EREG: variants seen among roughly 807,000 people sequenced by gnomAD.
The protein encoded by EREG is proepiregulin.
Under a neutral mutation model 22.4 loss-of-function variants are expected in EREG, and 23 were observed. That is an observed-to-expected ratio of 1.03 (90% CI 0.74 to 1.46). The LOEUF (loss-of-function observed/expected upper bound fraction) is 1.46. EREG is among the 40% of genes most tolerant of loss of function. EREG has a pLI of 0.00. For missense variants in EREG, 226 were observed against 205.9 expected (o/e 1.10, Z -0.60); for synonymous variants, 100 against 75.4 (o/e 1.33, Z -1.69).
chr4:74,375,698 T>C (rs533049601), intron 1 of EREG, among the ~76,000 whole-genome samples: 209 of 152,194 alleles, frequency 1.4e-3, no homozygotes, highest in South Asian at 5.2e-3. Flanking sequence ...TTTTTATTCA[T>C]TGGATCGCAT....
At chr4:74,383,554 T>C (rs1279437726) in intron 4 of EREG, among the ~76,000 whole-genome samples, 1 of 152,156 alleles carries the variant, frequency 6.6e-6, no homozygotes, top group African/African-American at 2.4e-5. Flanking sequence ...AGTTTGGCAT[T>C]TTTTTAAGGG....
chr4:74,375,049 C>T (rs573381250), intron 1 of EREG, among the ~76,000 whole-genome samples: 1 of 130,826 alleles, frequency 7.6e-6, no homozygotes, highest in Non-Finnish European at 1.5e-5. Context: ...CCAATGCCAC[C>T]AGACAAGAAA....
chr4:74,387,946 A>G lies in EREG; in HGVS notation c.*3138A>G, dbSNP rs1379109306. ...AAAATTGATATTATATTAAACATAC[A>G]TAATACAATGTAACTCCACTGTTCT... On this transcript the variant is annotated 3_prime_UTR_variant, in exon 5 of 5. Transcript: ENST00000244869. 1.3e-5 allele frequency: 2 copies of G among 152,338 alleles called. No individual in the cohort carries two copies. The highest frequency in any genetic ancestry group is 3.4e-3 in the Middle Eastern group (1 of 294). 9.4% of individuals were successfully genotyped at this position (152,338 alleles called of 1,614,324 possible). A position where few individuals can be genotyped will look rare whatever the true frequency, so the allele number is the denominator to read the frequency against.
rs544049716 is a variant in EREG at position 74,385,386 on chromosome 4, C to G, written c.*578C>G. On this transcript the variant is annotated 3_prime_UTR_variant, in exon 5 of 5. Coordinates refer to ENST00000244869, the MANE Select transcript of EREG (RefSeq NM_001432.3). ...CTGGGGAGTCTATGGTCTCTTCACT[C>G]AGGTCTCAGCTATAATTCTGTTATA... The G allele has an allele frequency of 3.3e-5, 5 of 153,024 alleles. No individual in the cohort carries two copies. In the South Asian group the frequency reaches 1.0e-3, roughly 32 times the overall value. 9.5% of individuals were successfully genotyped at this position (153,024 alleles called of 1,614,324 possible).
chr4:74,369,347 T>C (rs1019791990), intron 1 of EREG, among the ~76,000 whole-genome samples: 2 of 152,158 alleles, frequency 1.3e-5, no homozygotes, highest in African/African-American at 4.8e-5. Context: ...TATATCACTC[T>C]GTATGCCTTT....
At position 74,384,661 on chromosome 4, in the gene EREG, A is replaced by C. The variant is rs1395093247; in HGVS notation, c.429-66A>C. On this transcript the variant is annotated intron_variant, in intron 4 of 4. Transcript: ENST00000244869. ...ATGCTAATGTGCCTTTGGAGTCCAT[A>C]TATAACACACTTGTTCCTTTGCTAT... The C allele has an allele frequency of 2.7e-5, 24 of 897,060 alleles. No homozygotes were observed. In the South Asian group the frequency reaches 3.3e-4, roughly 12 times the overall value. 55.6% of individuals were successfully genotyped at this position (897,060 alleles called of 1,614,324 possible).
chr4:74,374,088 G>C (rs1333123027), intron 1 of EREG, among the ~76,000 whole-genome samples: 1 of 152,178 alleles, frequency 6.6e-6, no homozygotes, highest in Non-Finnish European at 1.5e-5. Flanking sequence ...GAACAAAGAG[G>C]ATTTTGCTAT....
chr4:74,370,419 A>G (rs1370378011), intron 1 of EREG, among the ~76,000 whole-genome samples: 1 of 152,220 alleles, frequency 6.6e-6, no homozygotes, highest in Non-Finnish European at 1.5e-5. Flanking sequence ...AATTAGCTGC[A>G]CTTTAAAAAT....
chr4:74,381,289 T>C, intron 3 of EREG, 152 bp downstream of exon 3: 1 of 622,706 alleles, frequency 1.6e-6, no homozygotes, highest in East Asian at 3.0e-5. Flanking sequence ...ATGGAACCCA[T>C]TAGGTAATTT....
chr4:74,377,666 T>C (rs1752403563), intron 1 of EREG, among the ~76,000 whole-genome samples: 1 of 152,238 alleles, frequency 6.6e-6, no homozygotes, highest in Non-Finnish European at 1.5e-5. Flanking sequence ...CTCACAGTTC[T>C]ATATGGCTGG....
chr4:74,372,974 ATTTTTTT>A (rs35483998), intron 1 of EREG, among the ~76,000 whole-genome samples: 1 of 63,148 alleles, frequency 1.6e-5, no homozygotes, highest in African/African-American at 6.7e-5. Context: ...CATCTGGCTA[ATTTTTTT>A]TTTTTTTTTT....
At chr4:74,374,016 C>T (rs553099383) in intron 1 of EREG, among the ~76,000 whole-genome samples, 2 of 152,184 alleles carry the variant, frequency 1.3e-5, no homozygotes, top group South Asian at 4.2e-4. Flanking sequence ...CACAGACTGC[C>T]ATGGAAGATG....
At chr4:74,367,177 A>T (rs899363464) in intron 1 of EREG, among the ~76,000 whole-genome samples, 2 of 152,222 alleles carry the variant, frequency 1.3e-5, no homozygotes, top group African/African-American at 4.8e-5. Flanking sequence ...CACCCTTAAC[A>T]CATACAGATT....
intron 1 of EREG, among the ~76,000 whole-genome samples, chr4:74,374,261 G>C (rs1382766160): frequency 6.6e-6 from 1 of 152,174 alleles, no homozygotes; most frequent in African/African-American, 2.4e-5. Context: ...TTCCAGAATA[G>C]TCATTTTACC....
intron 1 of EREG, among the ~76,000 whole-genome samples, chr4:74,365,834 T>A (rs1752170705): frequency 6.6e-6 from 1 of 152,120 alleles, no homozygotes; most frequent in South Asian, 2.1e-4. Flanking sequence ...TGCGCTCAGT[T>A]TTCTAAAACC....
At position 74,381,362 on chromosome 4, in the gene EREG, C is replaced by T. The variant is rs1465975743; in HGVS notation, c.278+225C>T. On this transcript the variant is annotated intron_variant, in intron 3 of 4. Transcript: ENST00000244869. ...GAAGTCTCCAGAGTCTATTACTCCA[C>T]TCTCTATGACCATGTGTACACATTA... 9 of 414,308 alleles carry T rather than the reference C, an allele frequency of 2.2e-5. No homozygotes were observed. The Admixed American group carries it at 3.7e-4, about 17-fold the overall frequency. The allele number at this position is 414,308 out of a possible 1,614,324, so 25.7% of individuals were successfully genotyped here.
chr4:74,376,111 A>G (rs1752378332), intron 1 of EREG, among the ~76,000 whole-genome samples: 1 of 152,194 alleles, frequency 6.6e-6, no homozygotes. Context: ...AAAGTTTCCA[A>G]CGGTGGAAAA....
chr4:74,383,488 G>T (rs1578823559), intron 4 of EREG, among the ~76,000 whole-genome samples: 1 of 152,076 alleles, frequency 6.6e-6, no homozygotes, highest in East Asian at 1.9e-4. Flanking sequence ...TCATCCTCAT[G>T]TGCATTATTG....
At chr4:74,377,158 G>GA (rs57339854) in intron 1 of EREG, among the ~76,000 whole-genome samples, 4,808 of 77,958 alleles carry the variant, frequency 0.062, 144 homozygotes, top group African/African-American at 0.11. Flanking sequence ...AGCCATTTCA[G>GA]AAAAAAAAAA....
Sources: allele counts gnomAD v4.1 joint callset (sites outside exome capture counted in the v4.1 genomes callset), GRCh38; gene constraint gnomAD v4.1.1; transcripts MANE v1.5; gene names NCBI Gene and HGNC (gene_info 2026-07-23, HGNC 2026-07-21).